Variants in TENM3 observed in about 807,000 individuals in gnomAD.
TENM3 encodes the protein teneurin-3.
In TENM3, 63 loss-of-function variants were observed where a neutral mutation model predicts 255.1. The observed-to-expected ratio is 0.25, with a 90% CI of 0.20 to 0.30. TENM3 has a LOEUF of 0.30. TENM3 is among the 10% of genes least tolerant of loss of function. TENM3 has a pLI of 1.00. For missense variants in TENM3, 2,929 were observed against 3,461.1 expected, an observed-to-expected ratio of 0.85 and a Z score of 3.86; for synonymous variants, 1,306 against 1,322.3, an observed-to-expected ratio of 0.99 and a Z score of 0.27.
chr4:181,635,423 G>C, the TENM3 span, among the ~76,000 whole-genome samples: 4 of 152,220 alleles, frequency 2.6e-5, no homozygotes, highest in South Asian at 8.3e-4. Flanking sequence ...TTGATGAAAA[G>C]AGGATATCCC....
chr4:181,800,873 T>C, the TENM3 span, among the ~76,000 whole-genome samples: 2 of 152,184 alleles, frequency 1.3e-5, no homozygotes, highest in Non-Finnish European at 2.9e-5. Flanking sequence ...ATGAATAAAA[T>C]GCCGGTGTAT....
At chr4:182,675,397 C>G (rs759172671) in intron 7 of TENM3, among the ~76,000 whole-genome samples, 1 of 151,844 alleles carries the variant, frequency 6.6e-6, no homozygotes, top group Non-Finnish European at 1.5e-5. Flanking sequence ...CAAAATTAGC[C>G]GAACGTGGTA....
chr4:181,652,578 C>T, the TENM3 span, among the ~76,000 whole-genome samples: 9 of 152,194 alleles, frequency 5.9e-5, no homozygotes, highest in Admixed American at 5.9e-4. Context: ...CGTTGGACTG[C>T]ACCTTTCCAG....
chr4:182,129,035 C>T, the TENM3 span, among the ~76,000 whole-genome samples: 12 of 152,070 alleles, frequency 7.9e-5, no homozygotes, highest in African/African-American at 2.9e-4. Flanking sequence ...AATTTGAGGC[C>T]ACGCAGAAAG....
chr4:182,287,091 C>T (rs1479827174), intron 1 of TENM3, among the ~76,000 whole-genome samples: 6 of 152,054 alleles, frequency 3.9e-5, no homozygotes, highest in Admixed American at 6.6e-5. Context: ...AACTGGGTGC[C>T]GTGGTGCATG....
chr4:182,077,956 A>G, the TENM3 span, among the ~76,000 whole-genome samples: 1 of 152,182 alleles, frequency 6.6e-6, no homozygotes, highest in African/African-American at 2.4e-5. Context: ...CACTCTTGAC[A>G]GTAAATGAGG....
chr4:182,322,830 G>A lies in TENM3; in HGVS notation c.-75-1116G>A, dbSNP rs558385363. ...AAACTACTATCTCAACAGCGGTCAC[G>A]GCCAAAGGATACTACAGGAACCAAG... On this transcript the variant is annotated intron_variant, in intron 1 of 27. Coordinates refer to ENST00000511685, the MANE Select transcript of TENM3 (RefSeq NM_001080477.4). Among the ~76,000 whole-genome samples, 147 of 152,178 alleles carry A rather than the reference G, an allele frequency of 9.7e-4. 1 individual carries two copies. Among genetic ancestry groups the A allele is most frequent in the Non-Finnish European group, 1.5e-3 (99 of 68,010 alleles).
the TENM3 span, among the ~76,000 whole-genome samples, chr4:181,480,313 T>A: frequency 2.0e-5 from 3 of 152,150 alleles, no homozygotes; most frequent in Admixed American, 1.3e-4. Flanking sequence ...AGCATAAAGC[T>A]TATAATTGTG....
At chr4:181,525,812 G>T in the TENM3 span, among the ~76,000 whole-genome samples, 23 of 152,212 alleles carry the variant, frequency 1.5e-4, no homozygotes, top group Non-Finnish European at 4.4e-5. Context: ...GCAGCTGGGT[G>T]AGTGCCCTCA....
chr4:182,265,229 G>A (rs1173548397), intron 1 of TENM3, among the ~76,000 whole-genome samples: 1 of 152,076 alleles, frequency 6.6e-6, no homozygotes, highest in African/African-American at 2.4e-5. Context: ...GAGAGCTTTG[G>A]TGTATAATAA....
At chr4:182,732,114 A>G (rs1169737084) in intron 16 of TENM3, among the ~76,000 whole-genome samples, 1 of 152,138 alleles carries the variant, frequency 6.6e-6, no homozygotes, top group African/African-American at 2.4e-5. Flanking sequence ...TACTCAAACA[A>G]AATACTTTTT....
At chr4:182,521,459 A>G (rs1738563947) in intron 3 of TENM3, among the ~76,000 whole-genome samples, 1 of 152,146 alleles carries the variant, frequency 6.6e-6, no homozygotes, top group Admixed American at 6.5e-5. Flanking sequence ...ATACTGCAAT[A>G]TTTGCATGTA....
At chr4:181,622,808 T>C in the TENM3 span, among the ~76,000 whole-genome samples, 2 of 152,136 alleles carry the variant, frequency 1.3e-5, no homozygotes, top group African/African-American at 2.4e-5. Context: ...ACCTTCCACA[T>C]TCCCTTTCTC....
intron 22 of TENM3, among the ~76,000 whole-genome samples, chr4:182,765,785 T>C (rs985008038): frequency 6.6e-6 from 1 of 152,196 alleles, no homozygotes; most frequent in Non-Finnish European, 1.5e-5. Flanking sequence ...AAAGGCTCCT[T>C]AGTAATTAAA....
At chr4:182,358,074 T>G (rs1387967175) in intron 3 of TENM3, among the ~76,000 whole-genome samples, 2 of 151,726 alleles carry the variant, frequency 1.3e-5, no homozygotes, top group African/African-American at 4.9e-5. Context: ...TCCATTGATC[T>G]ATATCTCTGT....
chr4:181,777,188 T>C, the TENM3 span, among the ~76,000 whole-genome samples: 63 of 152,234 alleles, frequency 4.1e-4, no homozygotes, highest in African/African-American at 1.4e-3. Flanking sequence ...AAGGTGTCAT[T>C]TCCCCATGTA....
intron 3 of TENM3, among the ~76,000 whole-genome samples, chr4:182,555,191 C>A (rs919255018): frequency 2.0e-5 from 3 of 152,156 alleles, no homozygotes; most frequent in East Asian, 1.9e-4. Flanking sequence ...GCAAGCGAGT[C>A]CAAATCATTC....
chr4:182,599,603 A>G (rs1747632428), intron 3 of TENM3, among the ~76,000 whole-genome samples: 1 of 152,268 alleles, frequency 6.6e-6, no homozygotes, highest in African/African-American at 2.4e-5. Context: ...TTATCATTGT[A>G]CCCTGTAAAG....
chr4:182,426,634 A>T (rs1263961502), intron 3 of TENM3, among the ~76,000 whole-genome samples: 1 of 152,212 alleles, frequency 6.6e-6, no homozygotes, highest in Non-Finnish European at 1.5e-5. Context: ...CAGAATATTT[A>T]AACTGTATCA....
Sources: allele counts gnomAD v4.1 joint callset (sites outside exome capture counted in the v4.1 genomes callset), GRCh38; gene constraint gnomAD v4.1.1; transcripts MANE v1.5; gene names NCBI Gene and HGNC (gene_info 2026-07-23, HGNC 2026-07-21).